The following HCFC1 variants were observed in gnomAD, a reference collection of about 807,000 sequenced individuals.
HCFC1 encodes host cell factor C1, also known as host cell factor 1.
Under a neutral mutation model 105.5 loss-of-function variants are expected in HCFC1, and 7 were observed. The ratio of observed to expected loss-of-function variants is 0.07; its 90% CI spans 0.04 to 0.12. The LOEUF is 0.12. HCFC1 is among the 10% of genes least tolerant of loss of function. HCFC1 has a pLI of 1.00. For synonymous variants in HCFC1, 918 were observed against 828.1 expected (o/e 1.11, Z -1.86); for missense variants, 1,065 against 1,823.6 (o/e 0.58, Z 7.58).
Position 153,957,387 on chromosome X carries a change from G to C in HCFC1, c.2280C>G (p.Thr760=). ...TGATGGTGGTCGTGCCGGGCTTGGT[G>C]GTACTGGGGGAGACGCTGCTGATGC... The part of the protein sequence containing the change: ...ILGISSVSPS[T]TKPGTTTIIK... Residue 760 remains threonine (T), a synonymous_variant, in exon 13 of 26, where the codon ACC becomes ACG. Transcript: ENST00000310441. The C allele has an allele frequency of 8.3e-7, 1 of 1,208,319 alleles. No homozygotes were observed. Among genetic ancestry groups the C allele is most frequent in the East Asian group, 3.0e-5 (1 of 33,708 alleles).
At chrX:153,962,913 C>G (rs960764624) in intron 4 of HCFC1, among the ~76,000 whole-genome samples, 52 of 112,072 alleles carry the variant, frequency 4.6e-4, no homozygotes, top group African/African-American at 1.6e-3. Flanking sequence ...TGACCACTGA[C>G]GAGTCAAGAG....
At position 153,949,241 on chromosome X, in the gene HCFC1, G is replaced by A. The variant is rs782110869; in HGVS notation, c.*106C>T. 377 of 571,594 alleles carry A rather than the reference G, an allele frequency of 6.6e-4. 3 individuals carry two copies. The South Asian group carries it at 8.7e-3, about 13-fold the overall frequency. 47.1% of individuals were successfully genotyped at this position (571,594 alleles called of 1,213,427 possible). A position where few individuals can be genotyped will look rare whatever the true frequency, so the allele number is the denominator to read the frequency against. ...GGGAGAGGAGTGAACAGCGGCTCGCGAGGGTGAAGTGCGAATGCTGGGACG... is the reference window on the plus strand; with the variant it reads ...GGGAGAGGAGTGAACAGCGGCTCGCAAGGGTGAAGTGCGAATGCTGGGACG... On this transcript the variant is annotated 3_prime_UTR_variant, in exon 26 of 26. Coordinates refer to ENST00000310441, the MANE Select transcript of HCFC1 (RefSeq NM_005334.3).
chrX:153,956,586 A>G, intron 15 of HCFC1, 39 bp downstream of exon 15: 1 of 1,206,787 alleles, frequency 8.3e-7, no homozygotes, highest in Non-Finnish European at 1.1e-6. Context: ...CTTCGTTATA[A>G]TCTAGGGGTG....
chrX:153,964,912 A>G (rs952578202), intron 1 of HCFC1, among the ~76,000 whole-genome samples, 186 bp from the exon 2 acceptor site: 14 of 112,088 alleles, frequency 1.2e-4, no homozygotes, highest in African/African-American at 4.2e-4. Flanking sequence ...GCCAGTGCAA[A>G]AGAGCCTGTG....
intron 6 of HCFC1, 126 bp downstream of exon 6, chrX:153,961,416 C>A (rs946792340): frequency 6.4e-6 from 3 of 469,094 alleles, no homozygotes; most frequent in Non-Finnish European, 1.1e-5. Flanking sequence ...CTGGATCCTT[C>A]CAGTGGATTC....
At chrX:153,969,025 C>G (rs2065499447) in intron 1 of HCFC1, among the ~76,000 whole-genome samples, 1 of 112,181 alleles carries the variant, frequency 8.9e-6, no homozygotes, top group Admixed American at 9.3e-5. Flanking sequence ...AGACCTGGAA[C>G]GAAAAACGGT....
rs199553128 is a variant in HCFC1 at position 153,959,868 on chromosome X, T to C, written c.1378A>G (p.Thr460Ala). The C allele has an allele frequency of 2.7e-5, 32 of 1,191,154 alleles. No homozygotes were observed. In the East Asian group the frequency reaches 9.6e-4, roughly 36 times the overall value. The stretch of plus-strand genomic sequence containing the variant: ...GGCACCGTTGGCAAGACCTGGATGG[T>C]GGTGGTGGTCGGGGGTGCGGGGGCA... ...QAAPAPPTTT[T>A]IQVLPTVPGS... Residue 460 changes from threonine to alanine, a missense_variant, in exon 8 of 26, where the codon ACC (threonine) becomes GCC (alanine). Physicochemically the swap from Thr to Ala is moderately conservative, Grantham distance 58. Coordinates refer to ENST00000310441, the MANE Select transcript of HCFC1 (RefSeq NM_005334.3).
intron 8 of HCFC1, 22 bp from the exon 9 acceptor site, chrX:153,959,513 C>T (rs782108633): frequency 2.7e-5 from 32 of 1,207,542 alleles, no homozygotes; most frequent in African/African-American, 1.7e-4. Flanking sequence ...AGGGGCCAGC[C>T]GTCAGCCATC....
At chrX:153,960,529 G>A in intron 6 of HCFC1, 115 bp from the exon 7 acceptor site, 2 of 470,216 alleles carry the variant, frequency 4.3e-6, no homozygotes, top group Non-Finnish European at 6.8e-6. Flanking sequence ...GAAGTTATTG[G>A]ATTATTACAT....
At chrX:153,950,736 C>A (rs781862126) in intron 23 of HCFC1, 77 bp downstream of exon 23, 155 of 1,032,317 alleles carry the variant, frequency 1.5e-4, no homozygotes, top group East Asian at 2.7e-4. Context: ...TCTCCTATGC[C>A]CCCCCCCGGC....
chrX:153,961,754 GGA>G (rs2065431084), intron 5 of HCFC1, 106 bp from the exon 6 acceptor site: 2 of 585,128 alleles, frequency 3.4e-6, no homozygotes, highest in African/African-American at 2.2e-5. Flanking sequence ...GCTCTCCCCA[GGA>G]GAGTCCCCAA....
chrX:153,967,832 G>A (rs1480295444), intron 1 of HCFC1, among the ~76,000 whole-genome samples: 3 of 111,979 alleles, frequency 2.7e-5, no homozygotes, highest in Non-Finnish European at 3.8e-5. Context: ...AAGAGGAGAG[G>A]AGGGCTTGGT....
intron 1 of HCFC1, among the ~76,000 whole-genome samples, chrX:153,969,067 C>A (rs2065499978): frequency 8.9e-6 from 1 of 111,953 alleles, no homozygotes; most frequent in Non-Finnish European, 1.9e-5. Context: ...TCAAAGTCAA[C>A]GTGGTAGGTG....
In HCFC1 at chrX:153,955,148, T is replaced by G. The variant is rs1557114389; in HGVS notation, c.3251A>C (p.Glu1084Ala). ...GGTGGCGGTGTTGGTGGTGCCCGTC[T>G]CGTGGGTCTCGCAGGGCGGGTTCGA... ...VCSNPPCETH[E>A]TGTTNTATTA... Residue 1084 changes from glutamate to alanine, a missense_variant, in exon 17 of 26, where the codon GAG becomes GCG. Physicochemically the swap from Glu to Ala is moderately radical, Grantham distance 107. Coordinates refer to ENST00000310441, the MANE Select transcript of HCFC1 (RefSeq NM_005334.3). 1 of 1,210,906 alleles carries G rather than the reference T, an allele frequency of 8.3e-7. No individual in the cohort carries two copies. Among genetic ancestry groups the G allele is most frequent in the Non-Finnish European group, 1.1e-6 (1 of 895,247 alleles).
intron 3 of HCFC1, 54 bp from the exon 4 acceptor site, chrX:153,963,487 C>T (rs782387493): frequency 2.6e-5 from 23 of 878,773 alleles, no homozygotes; most frequent in African/African-American, 1.2e-4. Context: ...CCAGAGGCTT[C>T]GCTGGATGGC....
Position 153,954,893 on chromosome X carries a change from C to G in HCFC1, c.3506G>C (p.Arg1169Pro). The change falls in exon 17 of 26, where the codon CGC becomes CCC. Residue 1169 changes from arginine to proline, a missense_variant. Physicochemically the swap from Arg to Pro is moderately radical, Grantham distance 103. Coordinates refer to ENST00000310441, the MANE Select transcript of HCFC1 (RefSeq NM_005334.3). ...AQGSKSQCQT[R>P]QTSATSTTMT... ...GGTGGTGCTGGTCGCGCTGGTCTGG[C>G]GGGTTTGGCACTGGGACTTAGAGCC... 8.6e-7 allele frequency: 1 copy of G among 1,163,254 alleles called. No homozygotes were observed. Among genetic ancestry groups the G allele is most frequent in the Admixed American group, 2.5e-5 (1 of 39,339 alleles).
Position 153,959,944 on chromosome X carries a change from T to C in HCFC1, c.1302A>G (p.Ala434=), listed in dbSNP as rs782631330. The C allele has an allele frequency of 1.1e-5, 13 of 1,209,989 alleles. No homozygotes were observed. The Admixed American group carries it at 2.8e-4, about 26-fold the overall frequency. ...CTTGGGTCAGCGGCTGCACAGCAGG[T>C]GCGGCTGCTGCTGGGGCAGGGCTCT... ...PPKSPAPAAA[A]PAVQPLTQVG... Residue 434 remains alanine (A), a synonymous_variant, in exon 8 of 26, where the codon GCA becomes GCG. Transcript: ENST00000310441.
In HCFC1 at chrX:153,955,171, C is replaced by A. The variant is rs375223452; in HGVS notation, c.3228G>T (p.Ser1076=). ...QQNGSVVRVC[S]NPPCETHETG... is the part of the protein sequence containing the mutation. ...TCTCGTGGGTCTCGCAGGGCGGGTT[C>A]GAACAGACTCGGACCACGCTACCAT... Residue 1076 remains serine (S), a synonymous_variant, in exon 17 of 26, where the codon TCG becomes TCT. Transcript: ENST00000310441. 8.3e-7 allele frequency: 1 copy of A among 1,208,493 alleles called. No individual in the cohort carries two copies.
Position 153,971,009 on chromosome X carries a change from T to C in HCFC1, c.-169A>G, listed in dbSNP as rs1446922727. 15 of 407,097 alleles carry C rather than the reference T, an allele frequency of 3.7e-5. No homozygotes were observed. Among genetic ancestry groups the C allele is most frequent in the African/African-American group, 3.4e-4 (13 of 38,263 alleles). The allele number at this position is 407,097 out of a possible 1,213,427, so 33.5% of individuals were successfully genotyped here. A position where few individuals can be genotyped will look rare whatever the true frequency, so the allele number is the denominator to read the frequency against. ...CCATCTTAACTGCCCTCCTTCCCTT[T>C]GGCTCTTCCCTTTCTTCTCGCTCAC... On this transcript the variant is annotated 5_prime_UTR_variant, in exon 1 of 26. Transcript: ENST00000310441.
Sources: gnomAD v4.1 joint callset for allele counts (sites outside exome capture counted in the v4.1 genomes callset) on GRCh38, gnomAD v4.1.1 for gene constraint, MANE v1.5 for transcripts, NCBI Gene and HGNC (gene_info 2026-07-23, HGNC 2026-07-21) for gene names.